The following JARID2 variants were observed in gnomAD, a reference collection of about 807,000 sequenced individuals.
JARID2 encodes the protein jumonji and AT-rich interaction domain containing 2.
Under a neutral mutation model 125.6 loss-of-function variants are expected in JARID2, and 21 were observed. That is an observed-to-expected ratio of 0.17 (90% CI 0.12 to 0.24). JARID2 has a LOEUF of 0.24. JARID2 is among the 10% of genes least tolerant of loss of function. JARID2 has a pLI of 1.00. For synonymous variants in JARID2, 736 were observed against 661.6 expected (o/e 1.11, Z -1.73); for missense variants, 1,303 against 1,639.6 (o/e 0.79, Z 3.55).
At chr6:15,455,641 C>A (rs935584815) in intron 4 of JARID2, among the ~76,000 whole-genome samples, 1 of 152,200 alleles carries the variant, frequency 6.6e-6, no homozygotes, top group East Asian at 1.9e-4. Context: ...AAGTGATTCT[C>A]CTGCCTCAGC....
At chr6:15,340,923 C>A (rs1173234484) in intron 1 of JARID2, among the ~76,000 whole-genome samples, 1 of 152,142 alleles carries the variant, frequency 6.6e-6, no homozygotes, top group African/African-American at 2.4e-5. Context: ...TCTTTCTCTG[C>A]ATAGTAATTT....
intron 3 of JARID2, among the ~76,000 whole-genome samples, chr6:15,412,018 A>G (rs1019610102): frequency 1.3e-5 from 2 of 152,230 alleles, no homozygotes; most frequent in African/African-American, 4.8e-5. Context: ...CAAAGCAGTC[A>G]TTTAACTGGA....
chr6:15,366,037 C>T (rs1408606330), intron 1 of JARID2, among the ~76,000 whole-genome samples: 8 of 152,112 alleles, frequency 5.3e-5, no homozygotes, highest in African/African-American at 1.7e-4. Context: ...TCCTTCATCA[C>T]CCCCAACCCC....
At chr6:15,315,354 T>C (rs1205661517) in intron 1 of JARID2, among the ~76,000 whole-genome samples, 3 of 152,198 alleles carry the variant, frequency 2.0e-5, no homozygotes, top group Non-Finnish European at 4.4e-5. Context: ...GAACCCATGA[T>C]GGATTAATTA....
chr6:15,461,648 A>G (rs1025023469), intron 4 of JARID2, among the ~76,000 whole-genome samples: 2 of 152,224 alleles, frequency 1.3e-5, no homozygotes, highest in Non-Finnish European at 2.9e-5. Context: ...GCTGTCACCT[A>G]TGGAAAGAAT....
chr6:15,285,105 G>GTTTTTTTTTTTTTTT (rs1561769837), intron 1 of JARID2, among the ~76,000 whole-genome samples: 3 of 127,392 alleles, frequency 2.4e-5, no homozygotes, highest in African/African-American at 1.1e-4. Context: ...AGTCTTTCTG[G>GTTTTTTTTTTTTTTT]GTTTTTTTTT....
At chr6:15,290,629 T>A (rs1233908043) in intron 1 of JARID2, among the ~76,000 whole-genome samples, 2 of 151,848 alleles carry the variant, frequency 1.3e-5, no homozygotes, top group Admixed American at 6.6e-5. Flanking sequence ...GATGTTTTTT[T>A]CCCCCCCAAG....
intron 3 of JARID2, among the ~76,000 whole-genome samples, chr6:15,416,150 C>T (rs1766193385): frequency 6.6e-6 from 1 of 151,486 alleles, no homozygotes. Flanking sequence ...AAGAGGCGCT[C>T]CTCACTTCCT....
intron 6 of JARID2, among the ~76,000 whole-genome samples, chr6:15,488,344 C>T (rs887502460): frequency 2.0e-5 from 3 of 152,224 alleles, no homozygotes; most frequent in Admixed American, 2.0e-4. Flanking sequence ...AGGGCTTGTC[C>T]CCGGACAGGT....
rs1581680824 is a variant in JARID2, at chr6:15,520,537, C to G, written c.*286C>G. 2.9e-6 allele frequency: 1 copy of G among 347,572 alleles called. No individual in the cohort carries two copies. Among genetic ancestry groups the G allele is most frequent in the Admixed American group, 4.5e-5 (1 of 22,130 alleles). 21.5% of individuals were successfully genotyped at this position (347,572 alleles called of 1,614,324 possible). A position where few individuals can be genotyped will look rare whatever the true frequency, so the allele number is the denominator to read the frequency against. On this transcript the variant is annotated 3_prime_UTR_variant, in exon 18 of 18. Transcript: ENST00000341776. ...GTATTGCCCCATGGCTGACAAAAGC[C>G]TTTTTTTTTGGTTTTGATTTTTTTT...
At chr6:15,486,838 G>C (rs969475760) in intron 5 of JARID2, among the ~76,000 whole-genome samples, 17 of 102,696 alleles carry the variant, frequency 1.7e-4, no homozygotes, top group Non-Finnish European at 3.0e-4. Flanking sequence ...ACAGAGTCTC[G>C]CTCTGACATT....
At chr6:15,248,033 C>G in intron 1 of JARID2, 1 of 985,440 alleles carries the variant, frequency 1.0e-6, no homozygotes, top group Non-Finnish European at 1.2e-6. Flanking sequence ...CCATTCCGGA[C>G]CTCGTTGAGG....
chr6:15,352,577 T>G (rs1296503810), intron 1 of JARID2, among the ~76,000 whole-genome samples: 1 of 152,180 alleles, frequency 6.6e-6, no homozygotes, highest in Non-Finnish European at 1.5e-5. Context: ...CAGATCCTTT[T>G]CCTGTGCTTC....
intron 5 of JARID2, among the ~76,000 whole-genome samples, chr6:15,478,137 T>C (rs933423483): frequency 1.3e-5 from 2 of 152,210 alleles, no homozygotes; most frequent in Admixed American, 6.5e-5. Flanking sequence ...CCATGCCCCA[T>C]GAGTTTGGTG....
chr6:15,455,461 G>T (rs905020655), intron 4 of JARID2, among the ~76,000 whole-genome samples: 1 of 152,104 alleles, frequency 6.6e-6, no homozygotes, highest in Non-Finnish European at 1.5e-5. Flanking sequence ...TATAACACTA[G>T]AACTTATTCC....
intron 1 of JARID2, among the ~76,000 whole-genome samples, chr6:15,358,650 C>A (rs1763687975): frequency 6.6e-6 from 1 of 152,188 alleles, no homozygotes; most frequent in Non-Finnish European, 1.5e-5. Context: ...ATAGTGAATT[C>A]TCATTTTCAG....
At chr6:15,477,535 A>G (rs1228721677) in intron 5 of JARID2, among the ~76,000 whole-genome samples, 5 of 144,416 alleles carry the variant, frequency 3.5e-5, no homozygotes, top group African/African-American at 1.3e-4. Flanking sequence ...TAAGAGCTGT[A>G]ATACATGTAG....
chr6:15,446,581 C>T (rs1767678919), intron 3 of JARID2, among the ~76,000 whole-genome samples: 1 of 152,208 alleles, frequency 6.6e-6, no homozygotes, highest in Non-Finnish European at 1.5e-5. Flanking sequence ...GCAATCCCTA[C>T]CTTTGTCTTA....
intron 1 of JARID2, among the ~76,000 whole-genome samples, chr6:15,250,086 C>T (rs533713966): frequency 6.6e-6 from 1 of 152,180 alleles, no homozygotes; most frequent in East Asian, 1.9e-4. Flanking sequence ...ATAGTAATTC[C>T]TGTAGTTAGC....
Sources: allele counts gnomAD v4.1 joint callset (sites outside exome capture counted in the v4.1 genomes callset), GRCh38; gene constraint gnomAD v4.1.1; transcripts MANE v1.5; gene names NCBI Gene and HGNC (gene_info 2026-07-23, HGNC 2026-07-21).